VWA8: variants seen among roughly 807,000 people sequenced by gnomAD.
The protein encoded by VWA8 is von Willebrand factor A domain-containing protein 8.
Under a neutral mutation model 241.5 loss-of-function variants are expected in VWA8, and 221 were observed. That is an observed-to-expected ratio of 0.91 (90% CI 0.82 to 1.02). VWA8 has a LOEUF of 1.02. Among genes scored for constraint, VWA8 ranks in the 50% least tolerant of loss-of-function variants. The probability of loss-of-function intolerance (pLI) is 0.00; values close to 1 mark genes in which losing one functional copy is unlikely to be tolerated. For missense variants in VWA8, 2,322 were observed against 2,328.7 expected (o/e 1.00, Z 0.06); for synonymous variants, 852 against 827.1 (o/e 1.03, Z -0.52).
At chr13:41,815,178 G>A (rs1870635474) in intron 16 of VWA8, among the ~76,000 whole-genome samples, 1 of 152,078 alleles carries the variant, frequency 6.6e-6, no homozygotes, top group Admixed American at 6.6e-5. Flanking sequence ...GTAAGTTCAA[G>A]GAAAAACAAA....
intron 37 of VWA8, among the ~76,000 whole-genome samples, chr13:41,639,919 T>C (rs2044784635): frequency 6.6e-6 from 1 of 152,166 alleles, no homozygotes; most frequent in South Asian, 2.1e-4. Flanking sequence ...CATGTACTCC[T>C]GGAACCTAAA....
chr13:41,923,075 T>C (rs370427502), intron 2 of VWA8, among the ~76,000 whole-genome samples: 1 of 152,232 alleles, frequency 6.6e-6, no homozygotes, highest in East Asian at 1.9e-4. Flanking sequence ...GAAAATGTGG[T>C]ACATATACAC....
intron 39 of VWA8, among the ~76,000 whole-genome samples, chr13:41,608,893 C>T (rs568415462): frequency 6.6e-6 from 1 of 152,292 alleles, no homozygotes; most frequent in Non-Finnish European, 1.5e-5. Context: ...TAAACAGATG[C>T]TATCAAAATG....
At chr13:41,950,475 TCTC>T (rs2138165196) in intron 1 of VWA8, among the ~76,000 whole-genome samples, 1 of 152,092 alleles carries the variant, frequency 6.6e-6, no homozygotes, top group African/African-American at 2.4e-5. Flanking sequence ...TTCACACCAT[TCTC>T]CTGCCTCAGC....
chr13:41,828,824 T>C (rs1871291853), intron 14 of VWA8, among the ~76,000 whole-genome samples: 2 of 151,352 alleles, frequency 1.3e-5, no homozygotes, highest in Admixed American at 1.3e-4. Flanking sequence ...TAATATCATA[T>C]AACATAGTCC....
intron 43 of VWA8, among the ~76,000 whole-genome samples, chr13:41,573,476 A>T (rs1334804876): frequency 3.4e-5 from 3 of 87,190 alleles, no homozygotes; most frequent in Admixed American, 3.4e-4. Flanking sequence ...CTATAGTTTA[A>T]AAAAAAAAAA....
intron 17 of VWA8, among the ~76,000 whole-genome samples, chr13:41,803,344 A>C (rs904272916): frequency 2.0e-5 from 3 of 152,208 alleles, no homozygotes; most frequent in East Asian, 3.8e-4. Context: ...ACCGGTGACC[A>C]ATCTCAGAGA....
At chr13:41,613,538 G>C (rs2044602937) in intron 38 of VWA8, among the ~76,000 whole-genome samples, 1 of 152,190 alleles carries the variant, frequency 6.6e-6, no homozygotes, top group Non-Finnish European at 1.5e-5. Context: ...TGGTGAAAGG[G>C]AGAAAGTGGT....
intron 20 of VWA8, among the ~76,000 whole-genome samples, chr13:41,764,926 A>G: frequency 6.6e-6 from 1 of 152,104 alleles, no homozygotes; most frequent in East Asian, 1.9e-4. Flanking sequence ...GGAGTCTGGT[A>G]GAGAGCAGAA....
chr13:41,692,589 T>TAGAG (rs1316007389), intron 30 of VWA8, among the ~76,000 whole-genome samples: 1 of 152,100 alleles, frequency 6.6e-6, no homozygotes, highest in Non-Finnish European at 1.5e-5. Flanking sequence ...AAAAATACGA[T>TAGAG]ATTCAAATAG....
At chr13:41,928,293 T>C (rs1332198912) in intron 2 of VWA8, among the ~76,000 whole-genome samples, 1 of 152,166 alleles carries the variant, frequency 6.6e-6, no homozygotes, top group Non-Finnish European at 1.5e-5. Flanking sequence ...ACATCAGCAG[T>C]ATACACATTT....
At chr13:41,592,338 G>A in intron 40 of VWA8, among the ~76,000 whole-genome samples, 1 of 125,900 alleles carries the variant, frequency 7.9e-6, no homozygotes, top group Admixed American at 8.6e-5. Context: ...AGGGGGGAGG[G>A]GATAGCTTTG....
intron 44 of VWA8, among the ~76,000 whole-genome samples, chr13:41,570,157 T>C (rs2044290989): frequency 6.6e-6 from 1 of 152,186 alleles, no homozygotes; most frequent in South Asian, 2.1e-4. Context: ...GCTTAGGAGC[T>C]TGACATAAAG....
intron 19 of VWA8, 126 bp from the exon 20 acceptor site, chr13:41,778,182 T>C: frequency 1.9e-6 from 1 of 536,538 alleles, no homozygotes; most frequent in East Asian, 3.9e-5. Flanking sequence ...ATCGATTTGA[T>C]ATAACCCAAA....
intron 29 of VWA8, among the ~76,000 whole-genome samples, chr13:41,697,368 T>A (rs999525071): frequency 2.0e-5 from 3 of 152,286 alleles, no homozygotes; most frequent in Admixed American, 6.5e-5. Flanking sequence ...AGCTCCCTGC[T>A]CAAAACCTCC....
chr13:41,666,391 C>G (rs1282395913), intron 37 of VWA8, among the ~76,000 whole-genome samples: 2 of 152,132 alleles, frequency 1.3e-5, no homozygotes, highest in Non-Finnish European at 2.9e-5. Context: ...TTGCTTCTGT[C>G]CCTATCACCA....
At chr13:41,732,275 TC>T in intron 21 of VWA8, 120 bp from the exon 22 acceptor site, 1 of 719,270 alleles carries the variant, frequency 1.4e-6, no homozygotes, top group Non-Finnish European at 2.2e-6. Context: ...TGCTTCCCCT[TC>T]CCCCACCAAA....
intron 21 of VWA8, among the ~76,000 whole-genome samples, chr13:41,739,626 T>G (rs574895717): frequency 6.6e-6 from 1 of 152,292 alleles, no homozygotes; most frequent in Non-Finnish European, 1.5e-5. Flanking sequence ...ATAAGCACTA[T>G]GTTTGGAAAA....
At chr13:41,881,736 C>G (rs1291295718) in intron 9 of VWA8, among the ~76,000 whole-genome samples, 1 of 146,634 alleles carries the variant, frequency 6.8e-6, no homozygotes, top group African/African-American at 2.5e-5. Flanking sequence ...GGGCTGACCC[C>G]CCCACCTCCC....
Sources: allele counts gnomAD v4.1 joint callset (sites outside exome capture counted in the v4.1 genomes callset), GRCh38; gene constraint gnomAD v4.1.1; transcripts MANE v1.5; gene names NCBI Gene and HGNC (gene_info 2026-07-23, HGNC 2026-07-21).